Variants in SHISAL1 observed in about 807,000 individuals in gnomAD.
SHISAL1 encodes the protein protein shisa-like-1.
Under a neutral mutation model 22.6 loss-of-function variants are expected in SHISAL1, and 9 were observed. The observed-to-expected ratio is 0.40, with a 90% confidence interval of 0.24 to 0.70. The LOEUF is 0.70. Ranked by LOEUF, SHISAL1 falls within the 30% of genes least tolerant of loss-of-function variation. SHISAL1 has a pLI of 0.39. For synonymous variants in SHISAL1, 119 were observed against 115.4 expected (o/e 1.03, Z -0.20); for missense variants, 246 against 270.6 (o/e 0.91, Z 0.64).
At chr22:44,256,457 TTC>T (rs2055085906) in intron 4 of SHISAL1, among the ~76,000 whole-genome samples, 1 of 152,212 alleles carries the variant, frequency 6.6e-6, no homozygotes, top group Non-Finnish European at 1.5e-5. Flanking sequence ...ATGCGACTGG[TTC>T]TGTTTCTCTG....
chr22:44,327,286 G>T, the SHISAL1 span, among the ~76,000 whole-genome samples: 1 of 150,986 alleles, frequency 6.6e-6, no homozygotes, highest in South Asian at 2.1e-4. Flanking sequence ...ACACACGTGC[G>T]CGTACACCAG....
the SHISAL1 span, among the ~76,000 whole-genome samples, chr22:44,328,845 C>T: frequency 6.6e-6 from 1 of 152,152 alleles, no homozygotes; most frequent in African/African-American, 2.4e-5. Context: ...TGCCCTGGCC[C>T]TGCTCCATCC....
chr22:44,269,642 A>C (rs2055192740), intron 4 of SHISAL1, among the ~76,000 whole-genome samples: 1 of 137,182 alleles, frequency 7.3e-6, no homozygotes, highest in African/African-American at 3.6e-5. Context: ...ACATGCCACA[A>C]ACAACACACA....
rs150317813 is a variant in SHISAL1, at chr22:44,302,196, C to T, written c.-32-1219G>A. On this transcript the variant is annotated intron_variant, in intron 1 of 4. Coordinates refer to ENST00000381176, the MANE Select transcript of SHISAL1 (RefSeq NM_001099294.2). ...TCTCTACGAAAAATACAAAATTAGC[C>T]GGGCATGGTGGTGCATGTCTGTAGT... is the stretch of plus-strand genomic sequence containing the variant. Among the ~76,000 whole-genome samples the T allele has an allele frequency of 7.4e-4, 112 of 152,098 alleles. 1 individual carries two copies. In the East Asian group the frequency reaches 0.011, roughly 15 times the overall value.
rs986110662 is a variant in SHISAL1 at position 44,247,770 on chromosome 22, C to T, written c.*1915G>A. 1.3e-5 allele frequency: 2 copies of T among 152,262 alleles called. No individual in the cohort carries two copies. Among genetic ancestry groups the T allele is most frequent in the Non-Finnish European group, 2.9e-5 (2 of 68,088 alleles). 9.4% of individuals were successfully genotyped at this position (152,262 alleles called of 1,614,324 possible). A position where few individuals can be genotyped will look rare whatever the true frequency, so the allele number is the denominator to read the frequency against. ...CCCTAGCAAGTTTGTTCTGCTTTTC[C>T]AAAGGCAGGACATTGTGTTTGCACA... On this transcript the variant is annotated 3_prime_UTR_variant, in exon 5 of 5. Coordinates refer to ENST00000381176, the MANE Select transcript of SHISAL1 (RefSeq NM_001099294.2).
chr22:44,274,378 A>G (rs1439104613), intron 4 of SHISAL1, among the ~76,000 whole-genome samples: 1 of 152,122 alleles, frequency 6.6e-6, no homozygotes, highest in Non-Finnish European at 1.5e-5. Context: ...ATCGAGACCC[A>G]TAAAACTGTC....
At position 44,296,680 on chromosome 22, in the gene SHISAL1, G is replaced by A. The variant is rs751178162; in HGVS notation, c.273C>T (p.Tyr91=). 6.2e-7 allele frequency: 1 copy of A among 1,613,592 alleles called. No homozygotes were observed. The highest frequency in any genetic ancestry group is 1.7e-5 in the Admixed American group (1 of 60,030). ...QANLTASSEG[Y]MHNNYTALLG... ...CCCAGAGTGGCACTCACTTGTGCAT[G>A]TAACCCTCGGAGCTGGCCGTGAGGT... Residue 91 remains tyrosine, a synonymous_variant, in exon 3 of 5, where the codon TAC becomes TAT. Transcript: ENST00000381176.
chr22:44,280,536 C>T (rs1484849927), intron 4 of SHISAL1, among the ~76,000 whole-genome samples: 1 of 152,128 alleles, frequency 6.6e-6, no homozygotes, highest in Non-Finnish European at 1.5e-5. Flanking sequence ...CTGGGCCCTG[C>T]AGGTCTTACA....
intron 2 of SHISAL1, among the ~76,000 whole-genome samples, chr22:44,297,127 C>A (rs572921005): frequency 6.6e-6 from 1 of 152,200 alleles, no homozygotes; most frequent in Non-Finnish European, 1.5e-5. Context: ...TCTCCTGCTT[C>A]GGTGAACATG....
chr22:44,305,584 G>A (rs1290404835), intron 1 of SHISAL1, among the ~76,000 whole-genome samples: 1 of 152,212 alleles, frequency 6.6e-6, no homozygotes, highest in East Asian at 1.9e-4. Flanking sequence ...GGAGTTCCAG[G>A]GACTGGGTGG....
At chr22:44,309,408 CA>C (rs1370445389) in intron 1 of SHISAL1, among the ~76,000 whole-genome samples, 28 of 152,252 alleles carry the variant, frequency 1.8e-4, no homozygotes, top group Non-Finnish European at 4.0e-4. Context: ...AGCGGCCCAG[CA>C]GAAGGGCAGG....
At chr22:44,320,969 G>A in the SHISAL1 span, among the ~76,000 whole-genome samples, 5 of 152,164 alleles carry the variant, frequency 3.3e-5, no homozygotes, top group African/African-American at 1.2e-4. Context: ...AACTGGGAAG[G>A]GGCATCATCG....
At position 44,249,538 on chromosome 22, in the gene SHISAL1, G is replaced by A; in HGVS notation, c.*147C>T. ...CTAATCTTAGAAGTCCGCGGAAGGGGGCTTTGGGCACAGGCAGCATTTCCT... is the reference window on the plus strand; with the variant it reads ...CTAATCTTAGAAGTCCGCGGAAGGGAGCTTTGGGCACAGGCAGCATTTCCT... On this transcript the variant is annotated 3_prime_UTR_variant, in exon 5 of 5. Coordinates refer to ENST00000381176, the MANE Select transcript of SHISAL1 (RefSeq NM_001099294.2). The A allele has an allele frequency of 1.5e-6, 1 of 664,780 alleles. No homozygotes were observed. The highest frequency in any genetic ancestry group is 1.7e-5 in the South Asian group (1 of 58,746). The allele number at this position is 664,780 out of a possible 1,614,324, so 41.2% of individuals were successfully genotyped here.
the SHISAL1 span, among the ~76,000 whole-genome samples, chr22:44,321,927 G>T: frequency 6.6e-6 from 1 of 152,186 alleles, no homozygotes; most frequent in African/African-American, 2.4e-5. Flanking sequence ...GGCCTGCTGT[G>T]AACACATTTT....
At chr22:44,304,940 T>C (rs1408675890) in intron 1 of SHISAL1, among the ~76,000 whole-genome samples, 3 of 152,128 alleles carry the variant, frequency 2.0e-5, no homozygotes, top group African/African-American at 7.2e-5. Flanking sequence ...GAGGAGGATC[T>C]ACCTTAGCCA....
chr22:44,251,384 T>A (rs1013199230), intron 4 of SHISAL1, among the ~76,000 whole-genome samples: 1 of 152,208 alleles, frequency 6.6e-6, no homozygotes, highest in African/African-American at 2.4e-5. Context: ...CTTAAAAAAA[T>A]TATTAAGGAT....
Position 44,244,080 on chromosome 22 carries a change from G to A in SHISAL1, c.*5605C>T, listed in dbSNP as rs970653272. The A allele has an allele frequency of 1.3e-5, 2 of 152,214 alleles. No individual in the cohort carries two copies. Among genetic ancestry groups the A allele is most frequent in the Non-Finnish European group, 2.9e-5 (2 of 68,046 alleles). The allele number at this position is 152,214 out of a possible 1,614,324, so 9.4% of individuals were successfully genotyped here. On this transcript the variant is annotated 3_prime_UTR_variant, in exon 5 of 5. Transcript: ENST00000381176. ...ACTTGGTTATTTGACTGTGAGGTAT[G>A]CCACTAGCTTTAAAACGGGAAATGG...
At chr22:44,317,876 T>C (rs2055568016), upstream of SHISAL1, among the ~76,000 whole-genome samples, 1 of 152,270 alleles carries the variant, frequency 6.6e-6, no homozygotes, top group African/African-American at 2.4e-5. Flanking sequence ...GTTCTGATAC[T>C]GAGTTTGCAC....
chr22:44,285,353 G>A, intron 4 of SHISAL1, 75 bp downstream of exon 4: 3 of 1,459,132 alleles, frequency 2.1e-6, no homozygotes, highest in Non-Finnish European at 2.9e-6. Context: ...ACTATGGCGA[G>A]AGTGATGGCG....
Sources: allele counts gnomAD v4.1 joint callset (sites outside exome capture counted in the v4.1 genomes callset), GRCh38; gene constraint gnomAD v4.1.1; transcripts MANE v1.5; gene names NCBI Gene and HGNC (gene_info 2026-07-23, HGNC 2026-07-21).